Variants in KATNAL2 observed in about 807,000 individuals in gnomAD.
KATNAL2 encodes the protein katanin catalytic subunit A1 like 2.
KATNAL2 carries 52 observed loss-of-function variants against 76.3 expected under a neutral mutation model. The observed-to-expected ratio is 0.68, with a 90% confidence interval of 0.55 to 0.86. KATNAL2 has a LOEUF of 0.86. Ranked by LOEUF, KATNAL2 falls within the 40% of genes least tolerant of loss-of-function variation. The probability of loss-of-function intolerance (pLI) is 0.00; values close to 1 mark genes in which losing one functional copy is unlikely to be tolerated. For missense variants in KATNAL2, 660 were observed against 668.9 expected, an observed-to-expected ratio of 0.99 and a Z score of 0.15; for synonymous variants, 243 against 244.2, an observed-to-expected ratio of 1.00 and a Z score of 0.05.
intron 15 of KATNAL2, among the ~76,000 whole-genome samples, chr18:47,091,699 AT>A (rs1200281948): frequency 6.6e-6 from 1 of 152,164 alleles, no homozygotes; most frequent in African/African-American, 2.4e-5. Context: ...CAATACAGAC[AT>A]CTGTAGTGAG....
intron 8 of KATNAL2, among the ~76,000 whole-genome samples, chr18:47,060,363 G>A (rs1344307500): frequency 6.6e-6 from 1 of 152,144 alleles, no homozygotes; most frequent in African/African-American, 2.4e-5. Context: ...TCCTTGGAGG[G>A]ATGGCTCCTG....
intron 13 of KATNAL2, among the ~76,000 whole-genome samples, chr18:47,074,042 A>G (rs1490132558): frequency 6.6e-6 from 1 of 152,292 alleles, no homozygotes; most frequent in East Asian, 1.9e-4. Context: ...CCACTGTCGT[A>G]ATCACCCTTA....
At chr18:47,042,654 C>T (rs929951866) in intron 3 of KATNAL2, among the ~76,000 whole-genome samples, 1 of 151,750 alleles carries the variant, frequency 6.6e-6, no homozygotes, top group Non-Finnish European at 1.5e-5. Flanking sequence ...AAAAATAAGG[C>T]CAAGGAAATT....
chr18:47,069,424 C>T, intron 12 of KATNAL2, 58 bp from the exon 13 acceptor site: 2 of 1,435,684 alleles, frequency 1.4e-6, no homozygotes, highest in Admixed American at 1.8e-5. Context: ...TGACTTCTGT[C>T]TATAAGCAGG....
intron 10 of KATNAL2, among the ~76,000 whole-genome samples, chr18:47,063,609 A>T (rs2061701720): frequency 6.6e-6 from 1 of 152,208 alleles, no homozygotes; most frequent in Non-Finnish European, 1.5e-5. Flanking sequence ...AGAGAAAAAG[A>T]CTTAGGAATG....
intron 1 of KATNAL2, among the ~76,000 whole-genome samples, chr18:46,938,593 A>G (rs1288219100): frequency 6.6e-6 from 1 of 152,172 alleles, no homozygotes; most frequent in African/African-American, 2.4e-5. Context: ...TACTGCCACC[A>G]TTTGACCTGG....
chr18:47,032,541 T>C (rs2576050), intron 3 of KATNAL2: 110,965 of 203,614 alleles, frequency 0.54, 30,667 homozygotes, highest in East Asian at 0.66. Context: ...AAGATCATGC[T>C]CAGCCTTTTA....
At chr18:47,089,642 C>A (rs20449) in intron 15 of KATNAL2, among the ~76,000 whole-genome samples, 133 of 152,246 alleles carry the variant, frequency 8.7e-4, no homozygotes, top group African/African-American at 3.2e-3. Flanking sequence ...TACTGCCCAG[C>A]CACATGGGTT....
rs143435665 is a variant in KATNAL2, at chr18:47,078,970, A to G, written c.1211+1509A>G. On this transcript the variant is annotated intron_variant, in intron 15 of 17. Coordinates refer to ENST00000683218, the MANE Select transcript of KATNAL2 (RefSeq NM_001387690.1). ...CATCATTACAACGTGCCTTAGAACC[A>G]ATATGTTCTAACTCATATATCCTGT... Among the ~76,000 whole-genome samples the G allele has an allele frequency of 2.9e-3, 448 of 152,308 alleles. 3 individuals are homozygous for G. Among genetic ancestry groups the G allele is most frequent in the African/African-American group, 0.01 (429 of 41,566 alleles).
chr18:47,062,872 A>AT, intron 8 of KATNAL2, 100 bp from the exon 9 acceptor site: 1 of 835,930 alleles, frequency 1.2e-6, no homozygotes, highest in Non-Finnish European at 1.9e-6. Flanking sequence ...TGCCCTATAT[A>AT]CCAGGGTCTA....
At chr18:47,044,360 G>A (rs948362412) in intron 3 of KATNAL2, among the ~76,000 whole-genome samples, 5 of 152,202 alleles carry the variant, frequency 3.3e-5, no homozygotes, top group African/African-American at 7.2e-5. Flanking sequence ...TAATGGAAAC[G>A]AAGTTTCAAT....
Position 47,053,119 on chromosome 18 carries a change from C to T in KATNAL2, c.289+73C>T, listed in dbSNP as rs955662745. On this transcript the variant is annotated intron_variant, in intron 5 of 17. Coordinates refer to ENST00000683218, the MANE Select transcript of KATNAL2 (RefSeq NM_001387690.1). ...TAGTGTTTCTTTCTCATCTTATTCCCAGATAGATGGAGACCCTCACCCTGC... is the reference window on the plus strand; with the variant it reads ...TAGTGTTTCTTTCTCATCTTATTCCTAGATAGATGGAGACCCTCACCCTGC... 4 of 1,285,018 alleles carry T rather than the reference C, an allele frequency of 3.1e-6. No homozygotes were observed. The African/African-American group carries it at 6.0e-5, about 19-fold the overall frequency. The allele number at this position is 1,285,018 out of a possible 1,614,324, so 79.6% of individuals were successfully genotyped here.
At chr18:46,959,466 T>A (rs558991940) in intron 3 of KATNAL2, among the ~76,000 whole-genome samples, 159 of 152,238 alleles carry the variant, frequency 1.0e-3, no homozygotes, top group African/African-American at 3.5e-3. Context: ...ACCTTTTTTT[T>A]AAAAAAAACT....
intron 1 of KATNAL2, chr18:46,920,172 T>A: frequency 1.2e-6 from 1 of 809,686 alleles, no homozygotes; most frequent in Non-Finnish European, 1.8e-6. Flanking sequence ...GGTGCTGCCC[T>A]AGACTGGCCT....
At chr18:46,960,325 G>C (rs1364471357) in intron 3 of KATNAL2, among the ~76,000 whole-genome samples, 1 of 151,898 alleles carries the variant, frequency 6.6e-6, no homozygotes, top group Non-Finnish European at 1.5e-5. Flanking sequence ...TGTAATGCCA[G>C]CTACTCGGGA....
At chr18:46,920,574 G>T (rs1678330194) in intron 1 of KATNAL2, among the ~76,000 whole-genome samples, 1 of 152,164 alleles carries the variant, frequency 6.6e-6, no homozygotes. Context: ...AGTTGCAATA[G>T]AAAGAATTCT....
chr18:47,096,339 A>C (rs887019700), intron 15 of KATNAL2, among the ~76,000 whole-genome samples: 4 of 152,168 alleles, frequency 2.6e-5, no homozygotes, highest in Non-Finnish European at 5.9e-5. Context: ...TCTTTTTTAA[A>C]AAATATTTAA....
At chr18:47,032,058 A>G (rs2060489723) in intron 3 of KATNAL2, among the ~76,000 whole-genome samples, 1 of 152,184 alleles carries the variant, frequency 6.6e-6, no homozygotes, top group African/African-American at 2.4e-5. Flanking sequence ...AGAAAATCTG[A>G]TTGGCCTCTT....
At chr18:46,956,396 C>A (rs147714942) in intron 3 of KATNAL2, among the ~76,000 whole-genome samples, 2 of 152,108 alleles carry the variant, frequency 1.3e-5, no homozygotes, top group Admixed American at 6.6e-5. Context: ...ATGATACTAC[C>A]GTCTCTTTGT....
Sources: gnomAD v4.1 joint callset for allele counts (sites outside exome capture counted in the v4.1 genomes callset) on GRCh38, gnomAD v4.1.1 for gene constraint, MANE v1.5 for transcripts, NCBI Gene and HGNC (gene_info 2026-07-23, HGNC 2026-07-21) for gene names.